The following RAB3GAP1 variants were observed in gnomAD, a reference collection of about 807,000 sequenced individuals.
RAB3GAP1 encodes RAB3 GTPase activating protein catalytic subunit 1.
A neutral mutation model predicts 130.7 loss-of-function variants in RAB3GAP1; 86 were observed. The ratio of observed to expected loss-of-function variants is 0.66; its 90% confidence interval spans 0.55 to 0.79. The LOEUF (loss-of-function observed/expected upper bound fraction) is 0.79, where lower values mean the gene tolerates loss of function less well. Ranked by LOEUF, RAB3GAP1 falls within the 30% of genes least tolerant of loss-of-function variation. The pLI is 0.00. For missense variants in RAB3GAP1, 1,029 were observed against 1,169.4 expected, an observed-to-expected ratio of 0.88 and a Z score of 1.75; for synonymous variants, 367 against 401.7, an observed-to-expected ratio of 0.91 and a Z score of 1.03.
chr2:135,168,832 T>G lies in RAB3GAP1; in HGVS notation c.*51T>G. ...CTTCAGAGACAGTGCTGCCTCCTCC[T>G]GAGGGAGGGAAGGTACCAGGGAGAA... is the stretch of plus-strand genomic sequence containing the variant. On this transcript the variant is annotated 3_prime_UTR_variant, in exon 24 of 24. Coordinates refer to ENST00000264158, the MANE Select transcript of RAB3GAP1 (RefSeq NM_012233.3). 1 of 1,503,930 alleles carries G rather than the reference T, an allele frequency of 6.6e-7. No homozygotes were observed. Among genetic ancestry groups the G allele is most frequent in the Non-Finnish European group, 9.3e-7 (1 of 1,080,666 alleles). The allele number at this position is 1,503,930 out of a possible 1,614,324, so 93.2% of individuals were successfully genotyped here.
At chr2:135,117,684 GCTT>G (rs1301572096) in intron 7 of RAB3GAP1, among the ~76,000 whole-genome samples, 1,124 of 22,664 alleles carry the variant, frequency 0.05, 3 homozygotes, top group Middle Eastern at 0.083. Context: ...TTCTGCTTCT[GCTT>G]CTTCTTCTGC....
chr2:135,094,916 T>A, intron 5 of RAB3GAP1, among the ~76,000 whole-genome samples: 1 of 152,266 alleles, frequency 6.6e-6, no homozygotes. Flanking sequence ...ATTGTGTATA[T>A]GTACCACATT....
At chr2:135,172,935 G>T (rs1476578364), downstream of RAB3GAP1, among the ~76,000 whole-genome samples, 1 of 152,134 alleles carries the variant, frequency 6.6e-6, no homozygotes. Context: ...AGGAGCCATT[G>T]CAACTTCTAT....
In RAB3GAP1 at chr2:135,067,998, C is replaced by T. The variant is rs574399003; in HGVS notation, c.150+9912C>T. 8.9e-4 allele frequency among the ~76,000 whole-genome samples: 136 copies of T among 152,232 alleles called. 1 individual carries two copies. Among genetic ancestry groups the T allele is most frequent in the African/African-American group, 2.9e-3 (122 of 41,538 alleles). ...CAAGTGATTCTCCCGCCTCAGCCTC[C>T]CAAAATGCTAGGATTACAGGTGTGA... On this transcript the variant is annotated intron_variant, in intron 3 of 23. Transcript: ENST00000264158.
chr2:135,150,636 T>TC, intron 18 of RAB3GAP1, 130 bp downstream of exon 18: 2 of 1,181,402 alleles, frequency 1.7e-6, no homozygotes, highest in Non-Finnish European at 2.5e-6. Flanking sequence ...CATTAGTAGT[T>TC]CAACACTCTG....
chr2:135,150,640 C>T, intron 18 of RAB3GAP1, 134 bp downstream of exon 18: 1 of 1,129,590 alleles, frequency 8.9e-7, no homozygotes. Flanking sequence ...AGTAGTTCAA[C>T]ACTCTGCCAC....
chr2:135,112,950 T>C (rs1690856829), intron 5 of RAB3GAP1, among the ~76,000 whole-genome samples: 1 of 152,090 alleles, frequency 6.6e-6, no homozygotes, highest in African/African-American at 2.4e-5. Flanking sequence ...TTGTAAAGAA[T>C]AGAGGGGAAC....
At chr2:135,120,607 G>A (rs2104927708) in intron 7 of RAB3GAP1, among the ~76,000 whole-genome samples, 1 of 152,278 alleles carries the variant, frequency 6.6e-6, no homozygotes, top group Middle Eastern at 3.4e-3. Context: ...TGGCTCTAAT[G>A]ACTTCGGTGA....
At chr2:135,113,623 T>C (rs1690883626) in intron 6 of RAB3GAP1, among the ~76,000 whole-genome samples, 1 of 152,192 alleles carries the variant, frequency 6.6e-6, no homozygotes, top group African/African-American at 2.4e-5. Context: ...GCTGTTTCTG[T>C]ACCTTACTTC....
intron 19 of RAB3GAP1, among the ~76,000 whole-genome samples, chr2:135,159,309 A>T (rs373096974): frequency 6.6e-6 from 1 of 152,208 alleles, no homozygotes. Flanking sequence ...GTGATGTTAC[A>T]GTGCAGCAGC....
chr2:135,111,675 A>G lies in RAB3GAP1; in HGVS notation c.363-1476A>G, dbSNP rs372331281. Among the ~76,000 whole-genome samples, 10 of 152,320 alleles carry G rather than the reference A, an allele frequency of 6.6e-5. No homozygotes were observed. The South Asian group carries it at 1.7e-3, about 25-fold the overall frequency. On this transcript the variant is annotated intron_variant, in intron 5 of 23. Transcript: ENST00000264158. Reference sequence around the variant, plus strand: ...TTAGTGGTATCAGTTCATTAAAGCAAAGTTTCAATACTTGCCTCTTTTATC... The same window carrying G: ...TTAGTGGTATCAGTTCATTAAAGCAGAGTTTCAATACTTGCCTCTTTTATC...
Position 135,130,224 on chromosome 2 carries a change from A to G in RAB3GAP1, c.1066+137A>G, listed in dbSNP as rs1028893818. On this transcript the variant is annotated intron_variant, in intron 12 of 23. Transcript: ENST00000264158. ...AAGTTTTGATGGACTAGACAGCTACAGTTCCTTTCCAGGCTGTACCCAGTG... is the reference window on the plus strand; with the variant it reads ...AAGTTTTGATGGACTAGACAGCTACGGTTCCTTTCCAGGCTGTACCCAGTG... 31 of 757,568 alleles carry G rather than the reference A, an allele frequency of 4.1e-5. 1 individual carries two copies. The South Asian group carries it at 4.8e-4, about 12-fold the overall frequency. The allele number at this position is 757,568 out of a possible 1,614,324, so 46.9% of individuals were successfully genotyped here. A position where few individuals can be genotyped will look rare whatever the true frequency, so the allele number is the denominator to read the frequency against.
intron 7 of RAB3GAP1, among the ~76,000 whole-genome samples, chr2:135,118,418 C>T (rs1242290186): frequency 2.0e-5 from 3 of 152,296 alleles, no homozygotes; most frequent in Non-Finnish European, 4.4e-5. Context: ...TAATCCTCTT[C>T]TGCCATAATC....
intron 5 of RAB3GAP1, among the ~76,000 whole-genome samples, chr2:135,094,829 C>T (rs1192499539): frequency 6.6e-6 from 1 of 152,196 alleles, no homozygotes; most frequent in East Asian, 1.9e-4. Context: ...GCTTATTTCA[C>T]TTAAATGTCT....
intron 2 of RAB3GAP1, among the ~76,000 whole-genome samples, chr2:135,053,245 C>T (rs1354033164): frequency 6.6e-6 from 1 of 152,248 alleles, no homozygotes; most frequent in African/African-American, 2.4e-5. Context: ...AGATTACAGG[C>T]GTGAGCCTCC....
intron 5 of RAB3GAP1, among the ~76,000 whole-genome samples, chr2:135,107,771 G>A (rs774068729): frequency 6.6e-5 from 10 of 151,842 alleles, no homozygotes; most frequent in Non-Finnish European, 1.5e-4. Flanking sequence ...TCAGGAGATC[G>A]AGACCATCCT....
At chr2:135,147,662 G>C (rs1692041937) in intron 17 of RAB3GAP1, among the ~76,000 whole-genome samples, 1 of 143,678 alleles carries the variant, frequency 7.0e-6, no homozygotes, top group African/African-American at 2.6e-5. Context: ...TGTTGCCCAG[G>C]CTGAAGTGCA....
chr2:135,174,411 C>G (rs186015259), downstream of RAB3GAP1, among the ~76,000 whole-genome samples: 1 of 152,230 alleles, frequency 6.6e-6, no homozygotes, highest in African/African-American at 2.4e-5. Flanking sequence ...AGGCAGTCTC[C>G]GTCCCTCACT....
At chr2:135,134,587 G>C (rs1164550236) in intron 15 of RAB3GAP1, among the ~76,000 whole-genome samples, 1 of 152,156 alleles carries the variant, frequency 6.6e-6, no homozygotes, top group Non-Finnish European at 1.5e-5. Flanking sequence ...ATATTGCATA[G>C]TTTAGTGCTC....
Sources: allele counts gnomAD v4.1 joint callset (sites outside exome capture counted in the v4.1 genomes callset), GRCh38; gene constraint gnomAD v4.1.1; transcripts MANE v1.5; gene names NCBI Gene and HGNC (gene_info 2026-07-23, HGNC 2026-07-21).